RASGEF1C: variants seen among roughly 807,000 people sequenced by gnomAD.
RASGEF1C encodes RasGEF domain family member 1C.
In RASGEF1C, 27 loss-of-function variants were observed where a neutral mutation model predicts 58.1. That is an observed-to-expected ratio of 0.46 (90% confidence interval 0.34 to 0.64). The LOEUF is 0.64. Ranked by LOEUF, RASGEF1C falls within the 30% of genes least tolerant of loss-of-function variation. RASGEF1C has a pLI of 0.01. For synonymous variants in RASGEF1C, 243 were observed against 246.3 expected, an observed-to-expected ratio of 0.99 and a Z score of 0.13; for missense variants, 502 against 605.1, an observed-to-expected ratio of 0.83 and a Z score of 1.79.
rs1239759347 is a variant in RASGEF1C, at chr5:180,176,723, AT to A, written c.-7+32304del. Among the ~76,000 whole-genome samples the A allele has an allele frequency of 4.6e-5, 7 of 151,932 alleles. No homozygotes were observed. In the East Asian group the frequency reaches 1.4e-3, roughly 30 times the overall value. The stretch of plus-strand genomic sequence containing the variant: ...AGGCGTCTGCCACCATGCCCGGCTA[AT>A]TTTTTGTATTTTTAGTAGAGATGGG... On this transcript the variant is annotated intron_variant, in intron 1 of 13. Transcript: ENST00000361132.
intron 4 of RASGEF1C, among the ~76,000 whole-genome samples, chr5:180,129,668 C>T (rs995496155): frequency 3.9e-5 from 6 of 152,330 alleles, no homozygotes; most frequent in East Asian, 1.9e-4. Flanking sequence ...TGCCACCCTT[C>T]GTTATTTCCC....
intron 1 of RASGEF1C, among the ~76,000 whole-genome samples, chr5:180,202,777 A>G (rs984537897): frequency 6.7e-6 from 1 of 149,270 alleles, no homozygotes; most frequent in East Asian, 2.0e-4. Flanking sequence ...ATCTCGGCTC[A>G]CTGCAAGCTC....
chr5:180,145,326 G>A (rs1447225277), intron 1 of RASGEF1C, among the ~76,000 whole-genome samples: 1 of 152,114 alleles, frequency 6.6e-6, no homozygotes, highest in Non-Finnish European at 1.5e-5. Flanking sequence ...TCACCATGTT[G>A]GCCAGGCTGG....
intron 1 of RASGEF1C, among the ~76,000 whole-genome samples, chr5:180,192,529 T>C (rs1263857794): frequency 6.6e-6 from 1 of 152,164 alleles, no homozygotes; most frequent in Non-Finnish European, 1.5e-5. Flanking sequence ...TTTTCAACTG[T>C]AATTTTCATG....
At chr5:180,189,886 G>A (rs1283438175) in intron 1 of RASGEF1C, among the ~76,000 whole-genome samples, 3 of 113,834 alleles carry the variant, frequency 2.6e-5, no homozygotes, top group African/African-American at 3.3e-5. Context: ...TCGTGCCACT[G>A]CATTCCAGCC....
Position 180,111,570 on chromosome 5 carries a change from T to C in RASGEF1C, c.1190A>G (p.Glu397Gly). 1 of 1,614,110 alleles carries C rather than the reference T, an allele frequency of 6.2e-7. No individual in the cohort carries two copies. Among genetic ancestry groups the C allele is most frequent in the Non-Finnish European group, 8.5e-7 (1 of 1,179,994 alleles). The change falls in exon 12 of 14, where the codon GAG becomes GGG. Residue 397 changes from glutamate (E) to glycine (G), a missense_variant. Transcript: ENST00000361132. ...NGHVNFEKFL[E>G]LAKQVGEFIT... ...GAACTCCCCCACCTGCTTGGCCAGC[T>C]CCAGGAATTTCTGCCAGGGTCACAG...
rs74659853 is a variant in RASGEF1C, at chr5:180,120,374, C to T, written c.804+686G>A. 3.5e-4 allele frequency among the ~76,000 whole-genome samples: 53 copies of T among 152,310 alleles called. No individual in the cohort carries two copies. The East Asian group carries it at 8.9e-3, about 26-fold the overall frequency. On this transcript the variant is annotated intron_variant, in intron 7 of 13. Transcript: ENST00000361132. ...GGGCCGCCTCCTCTCTACTCTTCTC[C>T]GCAGGTGTGGACCCCTCATGAACAT...
Position 180,118,486 on chromosome 5 carries a change from AGCAAG to A in RASGEF1C, c.1083+118_1083+122del, listed in dbSNP as rs1044598917. On this transcript the variant is annotated intron_variant, in intron 10 of 13. Transcript: ENST00000361132. ...GAGTTCCCCACGCTGGAGGCACGCAAGCAAGGAGACCTGGCTGTCTATTACTGATG... is the reference window on the plus strand; with the variant it reads ...GAGTTCCCCACGCTGGAGGCACGCAAGAGACCTGGCTGTCTATTACTGATG... The A allele has an allele frequency of 3.3e-6, 3 of 910,024 alleles. No homozygotes were observed. The African/African-American group carries it at 5.0e-5, about 15-fold the overall frequency. The allele number at this position is 910,024 out of a possible 1,614,324, so 56.4% of individuals were successfully genotyped here.
chr5:180,128,657 C>T (rs1766307650), intron 4 of RASGEF1C, 47 bp from the exon 5 acceptor site: 3 of 1,569,188 alleles, frequency 1.9e-6, no homozygotes, highest in Non-Finnish European at 1.7e-6. Flanking sequence ...CTCATCTCTG[C>T]ATCTCTAACA....
chr5:180,141,233 T>G (rs55727205), intron 1 of RASGEF1C, among the ~76,000 whole-genome samples: 2,429 of 152,328 alleles, frequency 0.016, 71 homozygotes, highest in African/African-American at 0.053. Context: ...GGCTGCCTCA[T>G]TCATTTTTAT....
At chr5:180,125,786 C>CA (rs529365967) in intron 6 of RASGEF1C, among the ~76,000 whole-genome samples, 61 of 135,250 alleles carry the variant, frequency 4.5e-4, no homozygotes, top group Middle Eastern at 3.7e-3. Flanking sequence ...GACTCCATCT[C>CA]AAAAAAAAAA....
intron 1 of RASGEF1C, among the ~76,000 whole-genome samples, chr5:180,181,484 AGTGGG>A (rs1394147332): frequency 2.0e-5 from 3 of 152,068 alleles, no homozygotes; most frequent in Non-Finnish European, 2.9e-5. Flanking sequence ...AGTGGAGTGG[AGTGGG>A]GTGGGGTGGA....
chr5:180,182,129 C>T (rs1026635161), intron 1 of RASGEF1C, among the ~76,000 whole-genome samples: 4 of 140,220 alleles, frequency 2.9e-5, no homozygotes, highest in South Asian at 2.3e-4. Flanking sequence ...GGCGGGAACC[C>T]GGGAGGTGGA....
chr5:180,195,773 G>GAA (rs971244075), intron 1 of RASGEF1C, among the ~76,000 whole-genome samples: 1 of 126,548 alleles, frequency 7.9e-6, no homozygotes, highest in Non-Finnish European at 1.7e-5. Flanking sequence ...TCAAAAAAAA[G>GAA]AAAAAAAAAA....
In RASGEF1C at chr5:180,176,220, G is replaced by A. The variant is rs566935712; in HGVS notation, c.-7+32808C>T. Among the ~76,000 whole-genome samples, 1,046 of 152,336 alleles carry A rather than the reference G, an allele frequency of 6.9e-3. 19 individuals are homozygous for A. The highest frequency in any genetic ancestry group is 0.024 in the African/African-American group (993 of 41,594). Reference sequence around the variant, plus strand: ...TGGTGGCCATGCCTCCCAGAGAGCAGGTGGGCCCTGGAGGCAGGGGCCCCA... The same window carrying A: ...TGGTGGCCATGCCTCCCAGAGAGCAAGTGGGCCCTGGAGGCAGGGGCCCCA... On this transcript the variant is annotated intron_variant, in intron 1 of 13. Coordinates refer to ENST00000361132, the MANE Select transcript of RASGEF1C (RefSeq NM_175062.4).
chr5:180,130,959 G>GA (rs1766356312), intron 4 of RASGEF1C, among the ~76,000 whole-genome samples: 1 of 152,106 alleles, frequency 6.6e-6, no homozygotes, highest in African/African-American at 2.4e-5. Context: ...CAGACACACA[G>GA]GCTTGGTGCC....
At chr5:180,189,693 A>G (rs868465346) in intron 1 of RASGEF1C, among the ~76,000 whole-genome samples, 1 of 152,134 alleles carries the variant, frequency 6.6e-6, no homozygotes, top group East Asian at 1.9e-4. Flanking sequence ...AGGCCAAGGC[A>G]GGTGGATCAC....
intron 7 of RASGEF1C, among the ~76,000 whole-genome samples, chr5:180,120,715 G>A (rs964520128): frequency 2.6e-5 from 4 of 152,210 alleles, no homozygotes; most frequent in Non-Finnish European, 5.9e-5. Flanking sequence ...TCCCGAGCCA[G>A]CCAAACGAGG....
chr5:180,114,252 C>T (rs1185331707), intron 11 of RASGEF1C, among the ~76,000 whole-genome samples, 194 bp downstream of exon 11: 7 of 152,172 alleles, frequency 4.6e-5, no homozygotes, highest in Non-Finnish European at 8.8e-5. Flanking sequence ...ATGGACATGA[C>T]CCTGAGCCTC....
Sources: allele counts gnomAD v4.1 joint callset (sites outside exome capture counted in the v4.1 genomes callset), GRCh38; gene constraint gnomAD v4.1.1; transcripts MANE v1.5; gene names NCBI Gene and HGNC (gene_info 2026-07-23, HGNC 2026-07-21).